Variants in TMEM132C observed in about 807,000 individuals in gnomAD.
TMEM132C encodes the protein transmembrane protein 132C.
TMEM132C carries 29 observed loss-of-function variants against 61.4 expected under a neutral mutation model. The ratio of observed to expected loss-of-function variants is 0.47; its 90% CI spans 0.35 to 0.64. The LOEUF is 0.64. TMEM132C is among the 30% of genes least tolerant of loss of function. The pLI, the probability that TMEM132C is intolerant of heterozygous loss-of-function variation, is 0.00. For missense variants in TMEM132C, 1,408 were observed against 1,476.9 expected (o/e 0.95, Z 0.76); for synonymous variants, 656 against 633.1 (o/e 1.04, Z -0.54).
intron 2 of TMEM132C, among the ~76,000 whole-genome samples, chr12:128,452,391 C>T (rs1180697612): frequency 2.6e-5 from 4 of 151,412 alleles, no homozygotes; most frequent in Admixed American, 6.6e-5. Context: ...TGAGCCACCA[C>T]GCCTGGTCGC....
At chr12:128,391,814 G>A (rs10773537) in intron 1 of TMEM132C, among the ~76,000 whole-genome samples, 2 of 152,044 alleles carry the variant, frequency 1.3e-5, no homozygotes, top group African/African-American at 4.8e-5. Flanking sequence ...TTTAGACCAG[G>A]GGTCTGGCAA....
chr12:128,622,356 AAAAAATATATATATATATAT>A lies in TMEM132C; in HGVS notation c.1305+6023_1305+6042del, dbSNP rs1438017677. Among the ~76,000 whole-genome samples, 108 of 59,214 alleles carry A rather than the reference AAAAAATATATATATATATAT, an allele frequency of 1.8e-3. 4 individuals carry two copies. The highest frequency in any genetic ancestry group is 8.3e-3 in the African/African-American group (98 of 11,810). The allele number at this position is 59,214 out of a possible 152,430, so 38.8% of individuals were successfully genotyped here. A position where few individuals can be genotyped will look rare whatever the true frequency, so the allele number is the denominator to read the frequency against. ...GAGACTTTGTCTCAAAAAAAAAAAAAAAAAATATATATATATATATATATATATATATATATATATATATA... is the reference window on the plus strand; with the variant it reads ...GAGACTTTGTCTCAAAAAAAAAAAAAATATATATATATATATATATATATA... On this transcript the variant is annotated intron_variant, in intron 4 of 8. Transcript: ENST00000435159.
At chr12:128,617,864 G>C (rs921914243) in intron 4 of TMEM132C, among the ~76,000 whole-genome samples, 2 of 152,240 alleles carry the variant, frequency 1.3e-5, no homozygotes, top group Non-Finnish European at 2.9e-5. Flanking sequence ...GTAAACACTT[G>C]GAAGTCAGAG....
intron 2 of TMEM132C, among the ~76,000 whole-genome samples, chr12:128,521,319 ATGTGTGTGTGTGTG>A (rs1555229471): frequency 4.6e-5 from 1 of 21,578 alleles, no homozygotes; most frequent in African/African-American, 7.3e-5. Flanking sequence ...ATATATATAT[ATGTGTGTGTGTGTG>A]TGTGTGTGTG....
At chr12:128,662,768 C>T (rs556544112) in intron 4 of TMEM132C, among the ~76,000 whole-genome samples, 1 of 152,286 alleles carries the variant, frequency 6.6e-6, no homozygotes, top group Admixed American at 6.5e-5. Context: ...TTATTAACTA[C>T]TACCTCTTCT....
At chr12:128,655,832 C>A (rs1954320803) in intron 4 of TMEM132C, among the ~76,000 whole-genome samples, 1 of 152,098 alleles carries the variant, frequency 6.6e-6, no homozygotes. Flanking sequence ...TCCAGTATAA[C>A]CAGTAGTAGT....
chr12:128,321,417 T>G (rs535658330), intron 1 of TMEM132C, among the ~76,000 whole-genome samples: 42 of 152,176 alleles, frequency 2.8e-4, no homozygotes, highest in Admixed American at 8.5e-4. Context: ...CCAAATAACA[T>G]TTTTGAAAAG....
rs901045972 is a variant in TMEM132C, at chr12:128,267,406, C to T, written c.4C>T (p.Arg2Cys). Residue 2 changes from arginine (R) to cysteine (C), a missense_variant, in exon 1 of 9, where the codon CGC becomes TGC. By Grantham distance (180) the Arg-to-Cys change is radical. Transcript: ENST00000435159. ...GCGTGAGCGGCCGGGACGCAGGATG[C>T]GCTCCGAGGGTGCGGCCCCCGGGCC... M[R>C]SEGAAPGPAA... 2.5e-6 allele frequency: 3 copies of T among 1,198,988 alleles called. No homozygotes were observed. Among genetic ancestry groups the T allele is most frequent in the South Asian group, 3.8e-5 (1 of 26,540 alleles). 74.3% of individuals were successfully genotyped at this position (1,198,988 alleles called of 1,614,324 possible).
At chr12:128,449,136 C>CAAAAA (rs141298455) in intron 2 of TMEM132C, among the ~76,000 whole-genome samples, 14 of 50,706 alleles carry the variant, frequency 2.8e-4, no homozygotes, top group African/African-American at 6.9e-4. Flanking sequence ...GACTCTGTCT[C>CAAAAA]AAAAAAAAAA....
chr12:128,604,188 T>C (rs1207361465), intron 3 of TMEM132C, among the ~76,000 whole-genome samples: 4 of 152,172 alleles, frequency 2.6e-5, no homozygotes, highest in Admixed American at 2.6e-4. Context: ...GATTTATGGA[T>C]ACGTGGGATG....
intron 2 of TMEM132C, among the ~76,000 whole-genome samples, chr12:128,441,351 A>G (rs527606365): frequency 6.6e-6 from 1 of 152,336 alleles, no homozygotes; most frequent in African/African-American, 2.4e-5. Context: ...GATTCTGGCT[A>G]CTGCCTACCT....
intron 4 of TMEM132C, among the ~76,000 whole-genome samples, chr12:128,654,270 G>A (rs1954302126): frequency 2.6e-5 from 4 of 152,100 alleles, no homozygotes; most frequent in Admixed American, 2.6e-4. Context: ...AGCGTTCCAC[G>A]GTGGCAGAGG....
Position 128,697,216 on chromosome 12 carries a change from TC to T in TMEM132C, c.1930-5del, listed in dbSNP as rs755757703. 217 of 1,497,574 alleles carry T rather than the reference TC, an allele frequency of 1.4e-4. No individual in the cohort carries two copies. The highest frequency in any genetic ancestry group is 2.4e-4 in the South Asian group (19 of 77,988). The allele number at this position is 1,497,574 out of a possible 1,614,324, so 92.8% of individuals were successfully genotyped here. ...ATGGATTTTCCTTGTGTCCTGCCAA[TC>T]CCACAGGTGTTGTCTCCACTGTCTG... On this transcript the variant is annotated splice_region_variant and splice_polypyrimidine_tract_variant and intron_variant, in intron 7 of 8. Coordinates refer to ENST00000435159, the MANE Select transcript of TMEM132C (RefSeq NM_001136103.3).
intron 4 of TMEM132C, among the ~76,000 whole-genome samples, chr12:128,668,424 T>C (rs1954499539): frequency 6.6e-6 from 1 of 152,164 alleles, no homozygotes; most frequent in Non-Finnish European, 1.5e-5. Flanking sequence ...CCCTTATATA[T>C]AAAGTAAAAA....
intron 5 of TMEM132C, among the ~76,000 whole-genome samples, chr12:128,675,645 TAGATAGAC>T (rs1275173653): frequency 1.3e-5 from 2 of 152,038 alleles, no homozygotes; most frequent in Admixed American, 6.6e-5. Flanking sequence ...TCCCATCCTC[TAGATAGAC>T]AGATAGACAG....
chr12:128,600,203 A>C (rs370033537), intron 3 of TMEM132C, among the ~76,000 whole-genome samples: 54 of 152,174 alleles, frequency 3.5e-4, no homozygotes, highest in South Asian at 3.5e-3. Context: ...AGGATGGTCT[A>C]GATCTCCTGA....
At chr12:128,692,300 A>G (rs1954726335) in intron 5 of TMEM132C, among the ~76,000 whole-genome samples, 1 of 152,220 alleles carries the variant, frequency 6.6e-6, no homozygotes, top group South Asian at 2.1e-4. Context: ...CCATTCATCC[A>G]TGCAATGTCC....
intron 1 of TMEM132C, among the ~76,000 whole-genome samples, chr12:128,381,133 G>A (rs911928701): frequency 1.2e-4 from 19 of 152,196 alleles, no homozygotes; most frequent in African/African-American, 2.4e-5. Context: ...ATGTAGTATC[G>A]TGGCTGAAGC....
At chr12:128,542,900 C>T (rs1319262275) in intron 2 of TMEM132C, among the ~76,000 whole-genome samples, 10 of 148,040 alleles carry the variant, frequency 6.8e-5, no homozygotes, top group South Asian at 6.4e-4. Flanking sequence ...GGATTATAGG[C>T]GTGAGCCACT....
Sources: gnomAD v4.1 joint callset for allele counts (sites outside exome capture counted in the v4.1 genomes callset) on GRCh38, gnomAD v4.1.1 for gene constraint, MANE v1.5 for transcripts, NCBI Gene and HGNC (gene_info 2026-07-23, HGNC 2026-07-21) for gene names.